Variants in RORA observed in about 807,000 individuals in gnomAD.
The protein encoded by RORA is RAR related orphan receptor A, also known as nuclear receptor ROR-alpha.
A neutral mutation model predicts 69.5 loss-of-function variants in RORA; 7 were observed. The ratio of observed to expected loss-of-function variants is 0.10; its 90% CI spans 0.06 to 0.19. The LOEUF (loss-of-function observed/expected upper bound fraction) is 0.19, where lower values mean the gene tolerates loss of function less well. Ranked by LOEUF, RORA falls within the 10% of genes least tolerant of loss-of-function variation. RORA has a pLI of 1.00. For synonymous variants in RORA, 261 were observed against 240.8 expected (o/e 1.08, Z -0.78); for missense variants, 457 against 663.0 (o/e 0.69, Z 3.41).
intron 1 of RORA, among the ~76,000 whole-genome samples, chr15:61,174,530 TTAA>T (rs958904645): frequency 1.3e-5 from 2 of 152,210 alleles, no homozygotes; most frequent in Non-Finnish European, 2.9e-5. Context: ...TGATCCAGGA[TTAA>T]TAATGCACAG....
chr15:60,778,984 C>A (rs1457165307), intron 1 of RORA, among the ~76,000 whole-genome samples: 1 of 152,144 alleles, frequency 6.6e-6, no homozygotes, highest in Non-Finnish European at 1.5e-5. Context: ...TCCCAAGAAG[C>A]CTTTTCAAGT....
intron 2 of RORA, among the ~76,000 whole-genome samples, chr15:60,665,142 T>C (rs1372756171): frequency 6.6e-6 from 1 of 152,220 alleles, no homozygotes; most frequent in Non-Finnish European, 1.5e-5. Context: ...ACCTTAAAAT[T>C]CAATAAGTAA....
intron 1 of RORA, among the ~76,000 whole-genome samples, chr15:60,859,447 G>T (rs1314134603): frequency 2.0e-5 from 3 of 150,082 alleles, no homozygotes; most frequent in Non-Finnish European, 4.4e-5. Flanking sequence ...CTCCACCCCA[G>T]ACTTACTGAA....
At chr15:61,200,189 GAA>G (rs34307352) in intron 1 of RORA, among the ~76,000 whole-genome samples, 1 of 152,182 alleles carries the variant, frequency 6.6e-6, no homozygotes, top group Admixed American at 6.5e-5. Context: ...GGAGAGTCGG[GAA>G]AAGAGTCATT....
rs533165646 is a variant in RORA at position 60,815,047 on chromosome 15, T to C, written c.167-136361A>G. Among the ~76,000 whole-genome samples the C allele has an allele frequency of 3.8e-4, 58 of 152,244 alleles. 1 individual carries two copies. The Middle Eastern group carries it at 0.02, about 54-fold the overall frequency. On this transcript the variant is annotated intron_variant, in intron 1 of 10. Transcript: ENST00000335670. ...AACATAAAAACCCCCAGGTTTTTTT[T>C]CCCACGGTTTGACCTTAAGGAAGTC...
At chr15:61,223,230 C>T (rs910114983) in intron 1 of RORA, among the ~76,000 whole-genome samples, 1 of 143,990 alleles carries the variant, frequency 6.9e-6, no homozygotes, top group Non-Finnish European at 1.5e-5. Context: ...ACAAGAATTG[C>T]TTGAACCCGG....
At chr15:60,803,871 C>T (rs560726267) in intron 1 of RORA, among the ~76,000 whole-genome samples, 15 of 152,282 alleles carry the variant, frequency 9.9e-5, no homozygotes, top group Admixed American at 4.6e-4. Flanking sequence ...CTTACACATT[C>T]GGCAGGGAAA....
chr15:61,129,599 T>C (rs1041240538), intron 1 of RORA, among the ~76,000 whole-genome samples: 1 of 152,220 alleles, frequency 6.6e-6, no homozygotes, highest in Non-Finnish European at 1.5e-5. Context: ...TTTTATGTTA[T>C]GTATAATTTG....
intron 2 of RORA, among the ~76,000 whole-genome samples, chr15:60,582,736 G>T (rs1406163920): frequency 6.6e-6 from 1 of 152,168 alleles, no homozygotes; most frequent in African/African-American, 2.4e-5. Flanking sequence ...CACAGCCTGG[G>T]CTTATATATC....
intron 2 of RORA, among the ~76,000 whole-genome samples, chr15:60,638,086 G>T (rs2069872482): frequency 6.6e-6 from 1 of 152,036 alleles, no homozygotes; most frequent in Non-Finnish European, 1.5e-5. Context: ...GTACCTTTTG[G>T]TTCATCTTAA....
intron 1 of RORA, among the ~76,000 whole-genome samples, chr15:60,795,446 T>A (rs892274460): frequency 6.6e-6 from 1 of 152,086 alleles, no homozygotes; most frequent in Non-Finnish European, 1.5e-5. Flanking sequence ...CCCGGGAGAG[T>A]ATTTTTGAGC....
chr15:61,072,232 T>A (rs544393671), intron 1 of RORA, among the ~76,000 whole-genome samples: 132 of 152,314 alleles, frequency 8.7e-4, no homozygotes, highest in African/African-American at 3.1e-3. Context: ...TTTTTTTTCT[T>A]TTTATGAGAA....
At position 61,045,938 on chromosome 15, in the gene RORA, T is replaced by A. The variant is rs190195049; in HGVS notation, c.166+183115A>T. 2.6e-5 allele frequency among the ~76,000 whole-genome samples: 4 copies of A among 152,316 alleles called. No homozygotes were observed. In the East Asian group the frequency reaches 7.7e-4, roughly 29 times the overall value. On this transcript the variant is annotated intron_variant, in intron 1 of 10. Coordinates refer to ENST00000335670, the MANE Select transcript of RORA (RefSeq NM_134261.3). ...GAGAACAACAGGCACAACTATTGTC[T>A]CTGTCTCCTGGCAGTCTCCCCCAGA... is the stretch of plus-strand genomic sequence containing the variant.
rs576502199 is a variant in RORA, at chr15:60,599,506, G to C, written c.197-67655C>G. Reference sequence around the variant, plus strand: ...GCGGAGGCTGCAGTGAGCTGAGATCGTGTCACTGCACTCCAGCCTGGGCGA... The same window carrying C: ...GCGGAGGCTGCAGTGAGCTGAGATCCTGTCACTGCACTCCAGCCTGGGCGA... On this transcript the variant is annotated intron_variant, in intron 2 of 10. Coordinates refer to ENST00000335670, the MANE Select transcript of RORA (RefSeq NM_134261.3). Among the ~76,000 whole-genome samples the C allele has an allele frequency of 1.4e-3, 219 of 152,290 alleles. 5 individuals are homozygous for C. Among genetic ancestry groups the C allele is most frequent in the Admixed American group, 1.4e-3 (22 of 15,302 alleles).
chr15:60,790,590 C>T (rs949829736), intron 1 of RORA, among the ~76,000 whole-genome samples: 14 of 152,206 alleles, frequency 9.2e-5, no homozygotes, highest in African/African-American at 3.4e-4. Context: ...AGGCAAGCCA[C>T]CAGTTTGAGA....
chr15:60,505,798 G>A (rs542010089), intron 5 of RORA, among the ~76,000 whole-genome samples, 169 bp from the exon 6 acceptor site: 16 of 152,316 alleles, frequency 1.1e-4, no homozygotes, highest in African/African-American at 2.6e-4. Flanking sequence ...ATTTGGGAAC[G>A]TGAAGGAGGA....
rs145711105 is a variant in RORA at position 60,562,994 on chromosome 15, A to C, written c.197-31143T>G. 3.2e-3 allele frequency among the ~76,000 whole-genome samples: 481 copies of C among 152,302 alleles called. 1 individual carries two copies. Among genetic ancestry groups the C allele is most frequent in the Middle Eastern group, 0.01 (3 of 294 alleles). On this transcript the variant is annotated intron_variant, in intron 2 of 10. Coordinates refer to ENST00000335670, the MANE Select transcript of RORA (RefSeq NM_134261.3). Reference sequence around the variant, plus strand: ...TAATCCGAGTGTACAAGGCAACTTCAATCTATTCTCCCAGGTGGCTATCCT... The same window carrying C: ...TAATCCGAGTGTACAAGGCAACTTCCATCTATTCTCCCAGGTGGCTATCCT...
chr15:61,026,223 T>C (rs1271310278), intron 1 of RORA, among the ~76,000 whole-genome samples: 1 of 152,212 alleles, frequency 6.6e-6, no homozygotes, highest in African/African-American at 2.4e-5. Flanking sequence ...GTTTTTTACC[T>C]TCTGATGCAT....
chr15:61,145,562 AAAAGACTGAG>A (rs2079338534), intron 1 of RORA, among the ~76,000 whole-genome samples: 1 of 152,252 alleles, frequency 6.6e-6, no homozygotes, highest in Non-Finnish European at 1.5e-5. Context: ...TATAAAGAAG[AAAAGACTGAG>A]AAAGAGTAAC....
Sources: allele counts gnomAD v4.1 joint callset (sites outside exome capture counted in the v4.1 genomes callset), GRCh38; gene constraint gnomAD v4.1.1; transcripts MANE v1.5; gene names NCBI Gene and HGNC (gene_info 2026-07-23, HGNC 2026-07-21).